Variants in SYTL2 observed in about 807,000 individuals in gnomAD.
SYTL2 encodes synaptotagmin-like protein 2.
In SYTL2, 165 loss-of-function variants were observed where a neutral mutation model predicts 198.7. The observed-to-expected ratio is 0.83, with a 90% CI of 0.73 to 0.94. The LOEUF is 0.94. SYTL2 is among the 40% of genes least tolerant of loss of function. The pLI is 0.00. For synonymous variants in SYTL2, 966 were observed against 917.7 expected, an observed-to-expected ratio of 1.05 and a Z score of -0.95; for missense variants, 2,835 against 2,582.8, an observed-to-expected ratio of 1.10 and a Z score of -2.12.
chr11:85,848,151 G>A, the SYTL2 span, among the ~76,000 whole-genome samples: 1 of 151,952 alleles, frequency 6.6e-6, no homozygotes, highest in South Asian at 2.1e-4. Context: ...GAGGCAGGAG[G>A]ATCACTTAAG....
chr11:85,731,514 G>T (rs980698964), intron 7 of SYTL2, among the ~76,000 whole-genome samples: 11 of 152,170 alleles, frequency 7.2e-5, no homozygotes, highest in Non-Finnish European at 1.5e-4. Context: ...ATGGTGTTGG[G>T]AAAACTGGCT....
the SYTL2 span, chr11:85,852,627 C>T: frequency 1.0e-4 from 18 of 179,544 alleles, no homozygotes; most frequent in African/African-American, 3.8e-4. Context: ...CTGCCAGCCT[C>T]GGCCTCCCGA....
the SYTL2 span, among the ~76,000 whole-genome samples, chr11:85,825,025 T>G: frequency 6.6e-6 from 1 of 152,192 alleles, no homozygotes; most frequent in South Asian, 2.1e-4. Context: ...GTTAAGAGGC[T>G]GGAGAATGAA....
chr11:85,809,192 A>G (rs949694160), intron 1 of SYTL2, among the ~76,000 whole-genome samples: 1 of 152,198 alleles, frequency 6.6e-6, no homozygotes, highest in Non-Finnish European at 1.5e-5. Context: ...CTCTTAGGGG[A>G]CAGTGGAATC....
chr11:85,801,665 T>C (rs1389239585), intron 1 of SYTL2, among the ~76,000 whole-genome samples: 2 of 152,150 alleles, frequency 1.3e-5, no homozygotes, highest in Admixed American at 6.5e-5. Flanking sequence ...ACTTACAATA[T>C]TGAGAAACTT....
chr11:85,791,193 A>AAAAAC (rs2092725964), intron 1 of SYTL2, among the ~76,000 whole-genome samples: 2 of 150,108 alleles, frequency 1.3e-5, no homozygotes, highest in Admixed American at 6.6e-5. Flanking sequence ...AAAAAAAAAA[A>AAAAAC]AACAACCTTA....
At chr11:85,812,124 A>T (rs1175075872), upstream of SYTL2, among the ~76,000 whole-genome samples, 5 of 152,194 alleles carry the variant, frequency 3.3e-5, no homozygotes, top group East Asian at 9.6e-4. Context: ...TAAATAAAAT[A>T]ATTTAAAAAT....
chr11:85,852,372 C>A, the SYTL2 span, among the ~76,000 whole-genome samples: 9 of 151,972 alleles, frequency 5.9e-5, no homozygotes, highest in Non-Finnish European at 1.3e-4. Flanking sequence ...CCCTCTCCCT[C>A]TCCCCACGGT....
intron 1 of SYTL2, among the ~76,000 whole-genome samples, chr11:85,767,722 C>A (rs772683758): frequency 9.9e-5 from 15 of 152,162 alleles, no homozygotes; most frequent in Non-Finnish European, 1.5e-4. Flanking sequence ...AATACCAATG[C>A]CCAAGTCTCT....
the SYTL2 span, among the ~76,000 whole-genome samples, chr11:85,846,720 C>A: frequency 6.6e-6 from 1 of 150,866 alleles, no homozygotes; most frequent in Non-Finnish European, 1.5e-5. Context: ...AGTCACCACG[C>A]CCAGGTTGAA....
intron 1 of SYTL2, among the ~76,000 whole-genome samples, chr11:85,806,524 C>A (rs920976748): frequency 3.9e-5 from 6 of 152,138 alleles, no homozygotes; most frequent in Non-Finnish European, 8.8e-5. Flanking sequence ...CCCAAAATTC[C>A]CTTAAAGCAG....
chr11:85,727,733 G>C lies in SYTL2; in HGVS notation c.1625C>G (p.Pro542Arg). The change falls in exon 8 of 20, where the codon CCC (proline) becomes CGC (arginine). Residue 542 changes from proline to arginine, a missense_variant. By Grantham distance (103) the Pro-to-Arg change is moderately radical. Coordinates refer to ENST00000359152, the MANE Select transcript of SYTL2 (RefSeq NM_206927.4). ...TTTTTCTTTGGACTCTATTCCTCGG[G>C]GATGTTGGAGGAATGACTTATTGTC... ...SDDNKSFLQHPRGIESKEKTD... is the reference protein window; with the variant it reads ...SDDNKSFLQHRRGIESKEKTD... The C allele has an allele frequency of 6.4e-7, 1 of 1,552,108 alleles. No individual in the cohort carries two copies. Among genetic ancestry groups the C allele is most frequent in the African/African-American group, 1.4e-5 (1 of 73,234 alleles).
At position 85,777,647 on chromosome 11, in the gene SYTL2, C is replaced by A. The variant is rs111514559; in HGVS notation, c.-389-19533G>T. Among the ~76,000 whole-genome samples the A allele has an allele frequency of 1.1e-4, 17 of 150,444 alleles. 2 individuals carry two copies. The highest frequency in any genetic ancestry group is 4.0e-4 in the Admixed American group (6 of 15,076). The stretch of plus-strand genomic sequence containing the variant: ...GATTTAATCCCCCCCCAACCCACAC[C>A]CCCTGCCAAAAAAAAGAAAAAGAAA... On this transcript the variant is annotated intron_variant, in intron 1 of 19. Coordinates refer to ENST00000359152, the MANE Select transcript of SYTL2 (RefSeq NM_206927.4).
intron 19 of SYTL2, among the ~76,000 whole-genome samples, chr11:85,695,941 C>A (rs1185628839): frequency 6.6e-6 from 1 of 152,110 alleles, no homozygotes; most frequent in Non-Finnish European, 1.5e-5. Flanking sequence ...CTTTTCTGTC[C>A]CTGCCACTGC....
At chr11:85,748,956 G>T (rs959103576) in intron 2 of SYTL2, among the ~76,000 whole-genome samples, 8 of 152,162 alleles carry the variant, frequency 5.3e-5, no homozygotes, top group African/African-American at 1.9e-4. Flanking sequence ...GTTTATTAGA[G>T]ACTTTCCTGG....
chr11:85,748,374 C>T lies in SYTL2; in HGVS notation c.151G>A (p.Gly51Ser). The change falls in exon 3 of 20, where the codon GGC becomes AGC. Residue 51 changes from glycine (G) to serine (S), a missense_variant. Gly to Ser is a moderately conservative substitution (Grantham distance 56). Transcript: ENST00000359152. Reference protein sequence around the residue: ...KDDQQLKNMSGQWFYEAKAKR... With the variant: ...KDDQQLKNMSSQWFYEAKAKR... ...GCCTTGGCTTCATAAAACCATTGGC[C>T]ACTCATATTCTTCAGCTGCTGGTCA... 1 of 1,613,990 alleles carries T rather than the reference C, an allele frequency of 6.2e-7. No homozygotes were observed. Among genetic ancestry groups the T allele is most frequent in the Non-Finnish European group, 8.5e-7 (1 of 1,179,914 alleles).
In SYTL2 at chr11:85,694,932, G is replaced by A. The variant is rs2083212265; in HGVS notation, c.*263C>T. ...AATGCTCTGGGGCAGCTTTTTCTTT[G>A]AAGCAGCAGCAGAAATTCAATTTTC... is the stretch of plus-strand genomic sequence containing the variant. On this transcript the variant is annotated 3_prime_UTR_variant, in exon 20 of 20. Transcript: ENST00000359152. The A allele has an allele frequency of 3.4e-6, 1 of 293,654 alleles. No individual in the cohort carries two copies. The highest frequency in any genetic ancestry group is 6.3e-6 in the Non-Finnish European group (1 of 158,740). 18.2% of individuals were successfully genotyped at this position (293,654 alleles called of 1,614,324 possible).
chr11:85,788,893 A>G (rs573351822), intron 1 of SYTL2, among the ~76,000 whole-genome samples: 2 of 151,912 alleles, frequency 1.3e-5, no homozygotes, highest in South Asian at 4.2e-4. Context: ...CTTTACTTCT[A>G]TCATAATAAT....
At chr11:85,728,253 A>T (rs2089442067) in intron 7 of SYTL2, among the ~76,000 whole-genome samples, 1 of 152,154 alleles carries the variant, frequency 6.6e-6, no homozygotes, top group Admixed American at 6.6e-5. Context: ...TTAAAAATAC[A>T]TGTGAATTTT....
Sources: allele counts gnomAD v4.1 joint callset (sites outside exome capture counted in the v4.1 genomes callset), GRCh38; gene constraint gnomAD v4.1.1; transcripts MANE v1.5; gene names NCBI Gene and HGNC (gene_info 2026-07-23, HGNC 2026-07-21).